TAF7L: variants seen among roughly 807,000 people sequenced by gnomAD.
TAF7L encodes TATA-box binding protein associated factor 7 like.
Under a neutral mutation model 30.2 loss-of-function variants are expected in TAF7L, and 6 were observed. The observed-to-expected ratio is 0.20, with a 90% CI of 0.11 to 0.39. The LOEUF (loss-of-function observed/expected upper bound fraction) is 0.39, where lower values mean the gene tolerates loss of function less well. Among genes scored for constraint, TAF7L ranks in the 10% least tolerant of loss-of-function variants. The probability of loss-of-function intolerance (pLI) is 1.00; values close to 1 mark genes in which losing one functional copy is unlikely to be tolerated. For synonymous variants in TAF7L, 93 were observed against 94.5 expected (o/e 0.98, Z 0.09); for missense variants, 284 against 277.1 (o/e 1.03, Z -0.18).
intron 7 of TAF7L, 26 bp from the exon 8 acceptor site, chrX:101,278,147 G>A (rs751218927): frequency 6.1e-6 from 7 of 1,144,208 alleles, no homozygotes; most frequent in Admixed American, 2.2e-5. Flanking sequence ...GGATTAGAGG[G>A]GGATACCAAT....
chrX:101,286,688 T>G, intron 2 of TAF7L, 35 bp from the exon 3 acceptor site: 1 of 1,063,819 alleles, frequency 9.4e-7, no homozygotes, highest in Non-Finnish European at 1.3e-6. Context: ...TCAGAAGAAC[T>G]AAACATCTAC....
chrX:101,272,203 G>A (rs1412931195), intron 12 of TAF7L, among the ~76,000 whole-genome samples: 3 of 111,379 alleles, frequency 2.7e-5, no homozygotes, highest in Non-Finnish European at 5.7e-5. Flanking sequence ...ACTCTCTTGT[G>A]GCTTTGAAAA....
At chrX:101,282,690 GTT>G (rs780275650) in intron 4 of TAF7L, among the ~76,000 whole-genome samples, 1 of 102,373 alleles carries the variant, frequency 9.8e-6, no homozygotes, top group Non-Finnish European at 2.0e-5. Flanking sequence ...GCTTTGTTTT[GTT>G]TTTTTTTTTC....
intron 12 of TAF7L, among the ~76,000 whole-genome samples, chrX:101,272,465 T>A (rs936185991): frequency 1.8e-5 from 2 of 111,766 alleles, no homozygotes; most frequent in African/African-American, 6.5e-5. Flanking sequence ...TGGAAAAAAG[T>A]ACTGATACAT....
intron 5 of TAF7L, among the ~76,000 whole-genome samples, chrX:101,281,999 C>A (rs1342278762): frequency 9.2e-6 from 1 of 108,506 alleles, no homozygotes; most frequent in East Asian, 2.9e-4. Flanking sequence ...GATTCTCCTG[C>A]CTCAGCCTCC....
intron 3 of TAF7L, among the ~76,000 whole-genome samples, chrX:101,284,739 G>A (rs1924522206): frequency 9.0e-6 from 1 of 110,567 alleles, no homozygotes; most frequent in African/African-American, 3.3e-5. Flanking sequence ...TAACTAACTG[G>A]TGAGATTATG....
rs562793474 is a variant in TAF7L, at chrX:101,282,440, G to A, written c.293C>T (p.Thr98Ile). Residue 98 changes from threonine to isoleucine, a missense_variant, in exon 5 of 13, where the codon ACT becomes ATT. Transcript: ENST00000356784. ...AGAAAGGTGGATATCACCATCAGCA[G>A]TGCACACAAGCATCTACATTTAACA... is the stretch of plus-strand genomic sequence containing the variant. Reference protein sequence around the residue: ...TADISQMLVCTADGDIHLSPE... With the variant: ...TADISQMLVCIADGDIHLSPE... 2 of 1,210,842 alleles carry A rather than the reference G, an allele frequency of 1.7e-6. No individual in the cohort carries two copies. The highest frequency in any genetic ancestry group is 3.5e-5 in the South Asian group (2 of 56,886).
chrX:101,291,189 C>T (rs1027536497), intron 1 of TAF7L, 35 bp downstream of exon 1: 239 of 683,671 alleles, frequency 3.5e-4, no homozygotes, highest in Admixed American at 4.4e-4. Context: ...GGGCGCTGAC[C>T]CGGTCCCGGC....
intron 5 of TAF7L, 76 bp from the exon 6 acceptor site, chrX:101,281,851 T>C: frequency 1.1e-6 from 1 of 945,941 alleles, no homozygotes; most frequent in Non-Finnish European, 1.5e-6. Context: ...AAGACAAAGA[T>C]CATGCTATAA....
Position 101,276,101 on chromosome X carries a change from G to C in TAF7L, c.925C>G (p.Gln309Glu), listed in dbSNP as rs1169665296. ...TTCTCCTTTTTCTCAATCTGCTTCT[G>C]AATTTCCATGACTAATAGAGAAACA... ...EGTSSIVMEI[Q>E]KQIEKKEKKL... Residue 309 changes from glutamine to glutamate, a missense_variant, in exon 11 of 13, where the codon CAG (glutamine) becomes GAG (glutamate). Coordinates refer to ENST00000356784, the MANE Select transcript of TAF7L (RefSeq NM_001168474.2). 4 of 1,193,883 alleles carry C rather than the reference G, an allele frequency of 3.4e-6. No homozygotes were observed. The highest frequency in any genetic ancestry group is 4.5e-6 in the Non-Finnish European group (4 of 885,533).
upstream of TAF7L, among the ~76,000 whole-genome samples, chrX:101,291,774 G>T (rs1437570091): frequency 9.2e-6 from 1 of 109,031 alleles, no homozygotes; most frequent in Admixed American, 9.8e-5. Flanking sequence ...GCTGAGGCAG[G>T]AGAATCGCTT....
At chrX:101,282,690 G>GTT (rs780275650) in intron 4 of TAF7L, among the ~76,000 whole-genome samples, 2 of 102,371 alleles carry the variant, frequency 2.0e-5, no homozygotes, top group Non-Finnish European at 2.0e-5. Context: ...GCTTTGTTTT[G>GTT]TTTTTTTTTT....
At chrX:101,273,662 C>T (rs1040595992) in intron 12 of TAF7L, among the ~76,000 whole-genome samples, 2 of 111,935 alleles carry the variant, frequency 1.8e-5, no homozygotes, top group Non-Finnish European at 3.8e-5. Flanking sequence ...ACACTTAAGG[C>T]CAAACCCATC....
chrX:101,290,532 G>A lies in TAF7L; in HGVS notation c.-3+692C>T, dbSNP rs1181265125. On this transcript the variant is annotated intron_variant, in intron 1 of 12. Transcript: ENST00000356784. ...GTAGTAACTTTTAGATTTCTCAGCA[G>A]AACTAAAACTGGGGCATTTTGTTCA... Among the ~76,000 whole-genome samples the A allele has an allele frequency of 1.9e-4, 21 of 111,728 alleles. No homozygotes were observed. The Admixed American group carries it at 1.9e-3, about 10-fold the overall frequency.
At chrX:101,274,293 C>T (rs953822468) in intron 12 of TAF7L, among the ~76,000 whole-genome samples, 13 of 108,721 alleles carry the variant, frequency 1.2e-4, no homozygotes, top group Non-Finnish European at 2.3e-4. Context: ...TGGCTCACTG[C>T]AGCCTCAACC....
At chrX:101,271,198 C>CT (rs2079583304) in intron 12 of TAF7L, among the ~76,000 whole-genome samples, 1 of 111,933 alleles carries the variant, frequency 8.9e-6, no homozygotes, top group African/African-American at 3.2e-5. Context: ...ATAAGGGACT[C>CT]TGAGTAAATA....
Position 101,276,529 on chromosome X carries a change from C to T in TAF7L, c.692-1G>A. On this transcript the variant is annotated splice_acceptor_variant, in intron 9 of 12. Transcript: ENST00000356784. LOFTEE classifies it high-confidence loss of function. Reference sequence around the variant, plus strand: ...AACATCTCCCGAAGCATATCATATTCTACTAGTTTTAAGCAAGAAGAAGGT... The same window carrying T: ...AACATCTCCCGAAGCATATCATATTTTACTAGTTTTAAGCAAGAAGAAGGT... 8.3e-7 allele frequency: 1 copy of T among 1,210,084 alleles called. No homozygotes were observed. The highest frequency in any genetic ancestry group is 1.1e-6 in the Non-Finnish European group (1 of 894,732).
chrX:101,278,756 T>A (rs1030187612), intron 7 of TAF7L, among the ~76,000 whole-genome samples: 1 of 111,991 alleles, frequency 8.9e-6, no homozygotes, highest in Admixed American at 9.7e-5. Flanking sequence ...AAGAGCAGAT[T>A]AGAATACACG....
chrX:101,277,500 TG>T, intron 9 of TAF7L, 105 bp downstream of exon 9: 1 of 368,359 alleles, frequency 2.7e-6, no homozygotes, highest in Non-Finnish European at 4.6e-6. Flanking sequence ...CCTTTTTTTC[TG>T]GGTTTTTTTT....
Sources: gnomAD v4.1 joint callset for allele counts (sites outside exome capture counted in the v4.1 genomes callset) on GRCh38, gnomAD v4.1.1 for gene constraint, MANE v1.5 for transcripts, NCBI Gene and HGNC (gene_info 2026-07-23, HGNC 2026-07-21) for gene names.